SPAG16: variants seen among roughly 807,000 people sequenced by gnomAD.
SPAG16 encodes sperm associated antigen 16, also known as sperm-associated antigen 16 protein.
A neutral mutation model predicts 80.4 loss-of-function variants in SPAG16; 86 were observed. The observed-to-expected ratio is 1.07, with a 90% CI of 0.90 to 1.28. The LOEUF is 1.28. SPAG16 is among the 50% of genes most tolerant of loss of function. The pLI is 0.00. For missense variants in SPAG16, 870 were observed against 765.3 expected, an observed-to-expected ratio of 1.14 and a Z score of -1.61; for synonymous variants, 294 against 265.9, an observed-to-expected ratio of 1.11 and a Z score of -1.03.
chr2:214,297,507 G>A (rs1489336180), intron 15 of SPAG16, among the ~76,000 whole-genome samples: 1 of 152,130 alleles, frequency 6.6e-6, no homozygotes, highest in African/African-American at 2.4e-5. Flanking sequence ...GTGGTGAGAG[G>A]TATGGGTCCA....
At chr2:213,402,385 CCTT>C (rs1218100249) in intron 9 of SPAG16, among the ~76,000 whole-genome samples, 1 of 151,862 alleles carries the variant, frequency 6.6e-6, no homozygotes, top group Non-Finnish European at 1.5e-5. Context: ...ATTCTTATCT[CCTT>C]ATGCTCAATT....
intron 10 of SPAG16, among the ~76,000 whole-genome samples, chr2:213,571,822 C>G (rs1694375610): frequency 8.9e-6 from 1 of 112,466 alleles, no homozygotes; most frequent in Non-Finnish European, 1.7e-5. Flanking sequence ...GGATAATATC[C>G]TGCAGAGTGT....
At chr2:214,356,095 C>T (rs564652866) in intron 15 of SPAG16, among the ~76,000 whole-genome samples, 375 of 150,322 alleles carry the variant, frequency 2.5e-3, no homozygotes, top group Non-Finnish European at 4.3e-3. Context: ...ATGGAAATGA[C>T]GAGTTAATGA....
Position 213,363,337 on chromosome 2 carries a change from C to T in SPAG16, c.763-739C>T, listed in dbSNP as rs555581276. On this transcript the variant is annotated intron_variant, in intron 7 of 15. Coordinates refer to ENST00000331683, the MANE Select transcript of SPAG16 (RefSeq NM_024532.5). ...ATAGTAATCTTTTACTTTTTTTTAA[C>T]CTAGGCATTTCATGAGCACTCATCT... is the stretch of plus-strand genomic sequence containing the variant. Among the ~76,000 whole-genome samples, 4 of 151,230 alleles carry T rather than the reference C, an allele frequency of 2.6e-5. No individual in the cohort carries two copies. The South Asian group carries it at 8.4e-4, about 32-fold the overall frequency.
intron 15 of SPAG16, among the ~76,000 whole-genome samples, chr2:214,381,466 A>G (rs1339407533): frequency 6.6e-6 from 1 of 152,216 alleles, no homozygotes; most frequent in Non-Finnish European, 1.5e-5. Context: ...TTACAGTAAA[A>G]TATTTTTGGA....
At chr2:213,907,187 C>A (rs956753638) in intron 11 of SPAG16, among the ~76,000 whole-genome samples, 8 of 152,014 alleles carry the variant, frequency 5.3e-5, no homozygotes, top group Admixed American at 2.0e-4. Context: ...AATGACAAAA[C>A]CTACAAGCAA....
chr2:213,555,915 A>G (rs2059409608), intron 10 of SPAG16, among the ~76,000 whole-genome samples: 1 of 152,204 alleles, frequency 6.6e-6, no homozygotes, highest in Non-Finnish European at 1.5e-5. Flanking sequence ...GGGTAAAATA[A>G]AAATATGTAA....
chr2:214,071,069 G>A (rs2050768623), intron 13 of SPAG16, among the ~76,000 whole-genome samples: 1 of 152,106 alleles, frequency 6.6e-6, no homozygotes, highest in Admixed American at 6.6e-5. Context: ...CTGGAAACTA[G>A]GAAAGGAGTC....
At chr2:213,988,595 G>A (rs1321381988) in intron 12 of SPAG16, among the ~76,000 whole-genome samples, 1 of 151,704 alleles carries the variant, frequency 6.6e-6, no homozygotes, top group African/African-American at 2.4e-5. Context: ...CAAGGTTACA[G>A]AATTCAAAGT....
chr2:213,726,823 CT>C, intron 10 of SPAG16, among the ~76,000 whole-genome samples: 1 of 152,258 alleles, frequency 6.6e-6, no homozygotes, highest in East Asian at 1.9e-4. Context: ...AATTAGCAGC[CT>C]TAATGTCAAA....
chr2:213,550,709 A>G (rs539016880), intron 10 of SPAG16, among the ~76,000 whole-genome samples: 196 of 152,232 alleles, frequency 1.3e-3, no homozygotes, highest in Middle Eastern at 6.8e-3. Context: ...TCCAACTTTT[A>G]TATTCCTTAT....
rs560125253 is a variant in SPAG16 at position 214,354,239 on chromosome 2, C to T, written c.1721-55901C>T. Among the ~76,000 whole-genome samples the T allele has an allele frequency of 2.1e-3, 322 of 152,186 alleles. 2 individuals carry two copies. The highest frequency in any genetic ancestry group is 7.3e-3 in the African/African-American group (305 of 41,516). On this transcript the variant is annotated intron_variant, in intron 15 of 15. Coordinates refer to ENST00000331683, the MANE Select transcript of SPAG16 (RefSeq NM_024532.5). ...TATGGCTAGCCAGTTTTCCCAGCAC[C>T]ATTTATTAAATAGGGAATCCTTTCC...
chr2:214,176,924 C>T (rs10460419), intron 15 of SPAG16, among the ~76,000 whole-genome samples: 36,745 of 150,620 alleles, frequency 0.24, 5,005 homozygotes, highest in South Asian at 0.33. Flanking sequence ...AACGTATCTC[C>T]GGAGCCAGAA....
chr2:213,366,567 A>G (rs1349558286), intron 8 of SPAG16, among the ~76,000 whole-genome samples: 1 of 152,202 alleles, frequency 6.6e-6, no homozygotes, highest in African/African-American at 2.4e-5. Flanking sequence ...TTATAAAACC[A>G]TCAGATCTTG....
chr2:213,350,813 A>T (rs2065283751), intron 7 of SPAG16, among the ~76,000 whole-genome samples, 168 bp downstream of exon 7: 1 of 152,164 alleles, frequency 6.6e-6, no homozygotes, highest in Non-Finnish European at 1.5e-5. Flanking sequence ...TTCTCCATTT[A>T]ACTACCTATA....
chr2:214,258,856 A>T (rs1009016126), intron 15 of SPAG16, among the ~76,000 whole-genome samples: 1 of 151,854 alleles, frequency 6.6e-6, no homozygotes, highest in Non-Finnish European at 1.5e-5. Flanking sequence ...TTAATTTCAG[A>T]TATGGTTCTA....
At chr2:213,831,897 G>T (rs936152813) in intron 10 of SPAG16, among the ~76,000 whole-genome samples, 1 of 152,056 alleles carries the variant, frequency 6.6e-6, no homozygotes, top group Non-Finnish European at 1.5e-5. Flanking sequence ...ACTATAATGT[G>T]ACTAGTAAGA....
At chr2:214,166,089 A>G (rs905150127) in intron 15 of SPAG16, among the ~76,000 whole-genome samples, 2 of 152,212 alleles carry the variant, frequency 1.3e-5, no homozygotes, top group Non-Finnish European at 2.9e-5. Context: ...TGACTATTAA[A>G]ATGTCATAAA....
intron 11 of SPAG16, 137 bp downstream of exon 11, chr2:213,862,765 A>G (rs2075530839): frequency 2.1e-6 from 2 of 932,782 alleles, no homozygotes; most frequent in Non-Finnish European, 3.1e-6. Flanking sequence ...CAAAGTGTAT[A>G]GACAAATTCC....
Sources: allele counts gnomAD v4.1 joint callset (sites outside exome capture counted in the v4.1 genomes callset), GRCh38; gene constraint gnomAD v4.1.1; transcripts MANE v1.5; gene names NCBI Gene and HGNC (gene_info 2026-07-23, HGNC 2026-07-21).